Variants in ELMOD2 observed in about 807,000 individuals in gnomAD.
ELMOD2 encodes ELMO domain-containing protein 2.
In ELMOD2, 28 loss-of-function variants were observed where a neutral mutation model predicts 41.0. That is an observed-to-expected ratio of 0.68 (90% CI 0.51 to 0.94). ELMOD2 has a LOEUF of 0.94. ELMOD2 is among the 40% of genes least tolerant of loss of function. The pLI is 0.00. For synonymous variants in ELMOD2, 106 were observed against 107.2 expected (o/e 0.99, Z 0.07); for missense variants, 333 against 343.1 (o/e 0.97, Z 0.23).
intron 8 of ELMOD2, among the ~76,000 whole-genome samples, chr4:140,549,192 G>GTTTT (rs1735387367): frequency 1.3e-5 from 2 of 152,108 alleles, no homozygotes; most frequent in Admixed American, 6.6e-5. Context: ...AATTTGTTGT[G>GTTTT]TGTATTAATA....
chr4:140,526,222 T>TA (rs1281017166), intron 2 of ELMOD2, among the ~76,000 whole-genome samples: 1 of 152,234 alleles, frequency 6.6e-6, no homozygotes, highest in Non-Finnish European at 1.5e-5. Context: ...TATGTTGGGT[T>TA]AAAAATATAT....
Position 140,543,500 on chromosome 4 carries a change from G to A in ELMOD2, c.650G>A (p.Ser217Asn). 1 of 1,605,656 alleles carries A rather than the reference G, an allele frequency of 6.2e-7. No individual in the cohort carries two copies. The highest frequency in any genetic ancestry group is 8.5e-7 in the Non-Finnish European group (1 of 1,177,694). ...VGINLTEMAY[S>N]LLKSEALKFH... ...ATCAATCTTACAGAGATGGCTTATA[G>A]CTTACTGAAGAGTGAAGCTTTGAAG... Residue 217 changes from serine (S) to asparagine (N), a missense_variant, in exon 8 of 9, where the codon AGC becomes AAC. Physicochemically the swap from Ser to Asn is conservative, Grantham distance 46. Coordinates refer to ENST00000323570, the MANE Select transcript of ELMOD2 (RefSeq NM_153702.4).
intron 2 of ELMOD2, among the ~76,000 whole-genome samples, chr4:140,525,879 T>G (rs1045276971): frequency 6.6e-6 from 1 of 152,252 alleles, no homozygotes; most frequent in Non-Finnish European, 1.5e-5. Context: ...CCTTTGAAAT[T>G]TTCACTCACA....
chr4:140,532,473 G>A (rs577317625), intron 3 of ELMOD2, among the ~76,000 whole-genome samples: 1 of 152,138 alleles, frequency 6.6e-6, no homozygotes, highest in Non-Finnish European at 1.5e-5. Context: ...GGCCTGTCAT[G>A]TTGAGTTTTC....
chr4:140,544,026 T>C (rs1026386728), intron 8 of ELMOD2, among the ~76,000 whole-genome samples: 4 of 152,144 alleles, frequency 2.6e-5, no homozygotes, highest in Non-Finnish European at 5.9e-5. Context: ...TTTCTTGTGG[T>C]AGGTTAGAGG....
In ELMOD2 at chr4:140,553,345, A is replaced by G. The variant is rs941154235; in HGVS notation, c.*2970A>G. On this transcript the variant is annotated 3_prime_UTR_variant, in exon 9 of 9. Transcript: ENST00000323570. ...AGGGACCAGCAGCAGTTTTCTCAGG[A>G]TAAATGCTCTACCCCACTTCTCTAT... 2 of 152,144 alleles carry G rather than the reference A, an allele frequency of 1.3e-5. No homozygotes were observed. Among genetic ancestry groups the G allele is most frequent in the African/African-American group, 4.8e-5 (2 of 41,460 alleles). The allele number at this position is 152,144 out of a possible 1,614,324, so 9.4% of individuals were successfully genotyped here.
chr4:140,537,645 T>G, intron 5 of ELMOD2, 104 bp downstream of exon 5: 1 of 1,356,650 alleles, frequency 7.4e-7, no homozygotes, highest in South Asian at 1.5e-5. Context: ...ATGGCTAGGC[T>G]TATATGGTTT....
chr4:140,547,803 G>A (rs1735339598), intron 8 of ELMOD2, among the ~76,000 whole-genome samples: 1 of 152,066 alleles, frequency 6.6e-6, no homozygotes, highest in Admixed American at 6.6e-5. Context: ...TTCAGGTTTA[G>A]ACATTTCATA....
rs1477933286 is a variant in ELMOD2, at chr4:140,540,382, A to G, written c.533+81A>G. On this transcript the variant is annotated intron_variant, in intron 6 of 8. Transcript: ENST00000323570. ...ATCTAGTTACTTCTAATAAGAAGTG[A>G]TCTAGTTGATTCATACTATCTCTGA... 7 of 1,525,830 alleles carry G rather than the reference A, an allele frequency of 4.6e-6. No individual in the cohort carries two copies. In the African/African-American group the frequency reaches 9.7e-5, roughly 21 times the overall value. The allele number at this position is 1,525,830 out of a possible 1,614,324, so 94.5% of individuals were successfully genotyped here.
intron 8 of ELMOD2, 99 bp from the exon 9 acceptor site, chr4:140,550,131 A>T (rs1227579189): frequency 9.9e-7 from 1 of 1,013,608 alleles, no homozygotes; most frequent in African/African-American, 1.6e-5. Context: ...GTATTCTAAT[A>T]TGGAATTTAA....
chr4:140,531,838 C>A (rs1018026958), intron 3 of ELMOD2, among the ~76,000 whole-genome samples: 1 of 152,108 alleles, frequency 6.6e-6, no homozygotes, highest in African/African-American at 2.4e-5. Context: ...GATTAAAAAT[C>A]TAAATAGTAG....
chr4:140,524,628 CT>C, intron 1 of ELMOD2: 7 of 985,486 alleles, frequency 7.1e-6, no homozygotes, highest in Non-Finnish European at 8.4e-6. Flanking sequence ...GTACTTCGAA[CT>C]TCGACAGTCC....
chr4:140,547,408 A>T (rs1003458674), intron 8 of ELMOD2, among the ~76,000 whole-genome samples: 1 of 152,076 alleles, frequency 6.6e-6, no homozygotes, highest in African/African-American at 2.4e-5. Flanking sequence ...GGAAGTTACC[A>T]CTAGTCCAGC....
chr4:140,541,257 A>G (rs1184027062), intron 6 of ELMOD2, among the ~76,000 whole-genome samples: 2 of 152,194 alleles, frequency 1.3e-5, no homozygotes, highest in African/African-American at 2.4e-5. Context: ...GGAAGGCTAG[A>G]CTATTAAAGT....
chr4:140,534,524 T>C (rs947274137), intron 3 of ELMOD2, among the ~76,000 whole-genome samples: 9 of 152,182 alleles, frequency 5.9e-5, no homozygotes, highest in African/African-American at 2.2e-4. Flanking sequence ...TGCCTTTCAC[T>C]GTATTTAAAT....
chr4:140,534,965 C>G (rs1237783546), intron 3 of ELMOD2, among the ~76,000 whole-genome samples: 1 of 152,070 alleles, frequency 6.6e-6, no homozygotes, highest in Non-Finnish European at 1.5e-5. Context: ...CGAAGGTAGT[C>G]CTTTTACCAG....
At chr4:140,539,035 T>TAGTG (rs1735021895) in intron 5 of ELMOD2, among the ~76,000 whole-genome samples, 3 of 152,182 alleles carry the variant, frequency 2.0e-5, no homozygotes, top group Admixed American at 6.5e-5. Flanking sequence ...ATAATAAAAG[T>TAGTG]AGTGACCAGG....
chr4:140,536,890 G>A lies in ELMOD2; in HGVS notation c.270-522G>A, dbSNP rs141988299. ...CATTTCAGAGATAGAAAGGTTTAGC[G>A]TATGGGGATCTTTTGATACATTGTG... On this transcript the variant is annotated intron_variant, in intron 4 of 8. Coordinates refer to ENST00000323570, the MANE Select transcript of ELMOD2 (RefSeq NM_153702.4). Among the ~76,000 whole-genome samples, 504 of 152,200 alleles carry A rather than the reference G, an allele frequency of 3.3e-3. 1 individual carries two copies. The highest frequency in any genetic ancestry group is 0.01 in the African/African-American group (430 of 41,560).
intron 6 of ELMOD2, 143 bp downstream of exon 6, chr4:140,540,444 G>T (rs1269684989): frequency 8.7e-7 from 1 of 1,144,418 alleles, no homozygotes; most frequent in Non-Finnish European, 1.2e-6. Flanking sequence ...ATTTGCTAAT[G>T]TGTTGGCAAC....
Sources: gnomAD v4.1 joint callset for allele counts (sites outside exome capture counted in the v4.1 genomes callset) on GRCh38, gnomAD v4.1.1 for gene constraint, MANE v1.5 for transcripts, NCBI Gene and HGNC (gene_info 2026-07-23, HGNC 2026-07-21) for gene names.